Variants in OTOG observed in about 807,000 individuals in gnomAD.
The protein encoded by OTOG is otogelin.
A neutral mutation model predicts 313.8 loss-of-function variants in OTOG; 296 were observed. That is an observed-to-expected ratio of 0.94 (90% CI 0.86 to 1.04). The LOEUF is 1.04. Ranked by LOEUF, OTOG falls within the 50% of genes least tolerant of loss-of-function variation. The pLI is 0.00. For synonymous variants in OTOG, 1,533 were observed against 1,554.9 expected (o/e 0.99, Z 0.33); for missense variants, 3,948 against 3,840.1 (o/e 1.03, Z -0.74).
Position 17,609,634 on chromosome 11 carries a change from C to T in OTOG, c.4355-21C>T, listed in dbSNP as rs1358381796. 13 of 1,468,176 alleles carry T rather than the reference C, an allele frequency of 8.9e-6. No individual in the cohort carries two copies. In the South Asian group the frequency reaches 1.7e-4, roughly 19 times the overall value. The allele number at this position is 1,468,176 out of a possible 1,614,324, so 90.9% of individuals were successfully genotyped here. A position where few individuals can be genotyped will look rare whatever the true frequency, so the allele number is the denominator to read the frequency against. On this transcript the variant is annotated intron_variant, in intron 35 of 55. Coordinates refer to ENST00000399397, the MANE Select transcript of OTOG (RefSeq NM_001292063.2). ...GGCAGCAGTCACCCCGCCTTCTGAA[C>T]CTCTTCTTTTGTCTCCGCAGGTGTG... is the stretch of plus-strand genomic sequence containing the variant.
chr11:17,636,236 A>G (rs1428811050), intron 47 of OTOG, among the ~76,000 whole-genome samples: 1 of 152,174 alleles, frequency 6.6e-6, no homozygotes, highest in Non-Finnish European at 1.5e-5. Flanking sequence ...GTAGACATGT[A>G]TAGTATGTGC....
chr11:17,557,456 C>A, intron 8 of OTOG, 133 bp downstream of exon 8: 1 of 827,726 alleles, frequency 1.2e-6, no homozygotes, highest in Non-Finnish European at 1.9e-6. Flanking sequence ...AATGGAAGGC[C>A]AAGGACCCCT....
At chr11:17,633,433 C>T (rs1854180658) in intron 42 of OTOG, among the ~76,000 whole-genome samples, 1 of 152,234 alleles carries the variant, frequency 6.6e-6, no homozygotes, top group African/African-American at 2.4e-5. Context: ...ACAGGCATGG[C>T]TGTGTTCCAA....
rs1002724057 is a variant in OTOG, at chr11:17,578,190, C to T, written c.2606-183C>T. On this transcript the variant is annotated intron_variant, in intron 22 of 55. Transcript: ENST00000399397. ...GGCCGCAGTCTTATTGTGTGACAGA[C>T]AGCACACATCTACCCCTCCCTCTGT... The T allele has an allele frequency of 1.4e-5, 19 of 1,317,900 alleles. No homozygotes were observed. The African/African-American group carries it at 2.5e-4, about 18-fold the overall frequency. 81.6% of individuals were successfully genotyped at this position (1,317,900 alleles called of 1,614,324 possible).
At chr11:17,574,159 A>G (rs1852464649) in intron 19 of OTOG, among the ~76,000 whole-genome samples, 1 of 152,198 alleles carries the variant, frequency 6.6e-6, no homozygotes, top group South Asian at 2.1e-4. Context: ...TGGATCCCAC[A>G]GAGTGTAGGA....
rs1455245694 is a variant in OTOG at position 17,586,551 on chromosome 11, G to T, written c.2837G>T (p.Gly946Val). 7.0e-7 allele frequency: 1 copy of T among 1,428,126 alleles called. No individual in the cohort carries two copies. Among genetic ancestry groups the T allele is most frequent in the African/African-American group, 1.5e-5 (1 of 67,866 alleles). The allele number at this position is 1,428,126 out of a possible 1,614,324, so 88.5% of individuals were successfully genotyped here. The change falls in exon 24 of 56, where the codon GGG becomes GTG. Residue 946 changes from glycine to valine, a missense_variant. Coordinates refer to ENST00000399397, the MANE Select transcript of OTOG (RefSeq NM_001292063.2). Reference sequence around the variant, plus strand: ...TGGAAGGGGAAGGAGTATTTCCCTGGGGACCAGGTGATGTCTCCTTGCCAT... The same window carrying T: ...TGGAAGGGGAAGGAGTATTTCCCTGTGGACCAGGTGATGTCTCCTTGCCAT... ...CTWKGKEYFP[G>V]DQVMSPCHTC...
Position 17,547,462 on chromosome 11 carries a change from C to A in OTOG, c.90C>A (p.Arg30=). The A allele has an allele frequency of 7.3e-7, 1 of 1,368,518 alleles. No homozygotes were observed. Among genetic ancestry groups the A allele is most frequent in the Non-Finnish European group, 9.4e-7 (1 of 1,065,836 alleles). The allele number at this position is 1,368,518 out of a possible 1,614,324, so 84.8% of individuals were successfully genotyped here. A position where few individuals can be genotyped will look rare whatever the true frequency, so the allele number is the denominator to read the frequency against. ...CAGCCGAGTCCCTGCGGGTGCAGCG[C>A]CTCGGTGAGAGGGTTGTGGACTCAG... The part of the protein sequence containing the change: ...EQAAESLRVQ[R]LAAAPVLWGS... The change falls in exon 1 of 56, where the codon CGC becomes CGA. Residue 30 remains arginine (R), a synonymous_variant. Coordinates refer to ENST00000399397, the MANE Select transcript of OTOG (RefSeq NM_001292063.2).
chr11:17,554,137 T>C (rs1439108193), intron 6 of OTOG, among the ~76,000 whole-genome samples: 1 of 152,066 alleles, frequency 6.6e-6, no homozygotes, highest in East Asian at 1.9e-4. Context: ...CTCAGAGAAA[T>C]GATGGAGGTC....
chr11:17,640,425 A>G (rs532683139), intron 49 of OTOG, among the ~76,000 whole-genome samples: 1 of 152,328 alleles, frequency 6.6e-6, no homozygotes, highest in South Asian at 2.1e-4. Flanking sequence ...TCCCCACCCC[A>G]GCACACATTT....
intron 23 of OTOG, among the ~76,000 whole-genome samples, chr11:17,584,295 T>C (rs1852741309): frequency 6.6e-6 from 1 of 152,198 alleles, no homozygotes; most frequent in Admixed American, 6.5e-5. Flanking sequence ...ATCTCCCATG[T>C]TTCTTGCCTT....
chr11:17,640,096 GATGACAA>G (rs1565130675), intron 49 of OTOG, among the ~76,000 whole-genome samples: 1 of 152,168 alleles, frequency 6.6e-6, no homozygotes, highest in Non-Finnish European at 1.5e-5. Context: ...TGATGATGTT[GATGACAA>G]TCATGACGGT....
chr11:17,551,399 C>G (rs1159108262), intron 3 of OTOG, among the ~76,000 whole-genome samples: 1 of 152,168 alleles, frequency 6.6e-6, no homozygotes, highest in East Asian at 1.9e-4. Context: ...TTCTAAGCCA[C>G]ACACTTGGCC....
Position 17,555,816 on chromosome 11 carries a change from C to T in OTOG, c.578C>T (p.Thr193Ile). ...CCGCAGTGTGGCTCTTCACCCTACA[C>T]CTGCTCCAGGGCTGTCAGCCTCTTC... ...NDPQCGSSPYTCSRAVSLFFV... is the reference protein window; with the variant it reads ...NDPQCGSSPYICSRAVSLFFV... The change falls in exon 7 of 56, where the codon ACC becomes ATC. Residue 193 changes from threonine (T) to isoleucine (I), a missense_variant. Physicochemically the swap from Thr to Ile is moderately conservative, Grantham distance 89. Coordinates refer to ENST00000399397, the MANE Select transcript of OTOG (RefSeq NM_001292063.2). 1 of 1,550,800 alleles carries T rather than the reference C, an allele frequency of 6.4e-7. No individual in the cohort carries two copies. The highest frequency in any genetic ancestry group is 8.7e-7 in the Non-Finnish European group (1 of 1,147,054).
At chr11:17,638,626 C>G in intron 48 of OTOG, 77 bp downstream of exon 48, 1 of 1,498,822 alleles carries the variant, frequency 6.7e-7, no homozygotes, top group Non-Finnish European at 9.1e-7. Flanking sequence ...GGAGCCCGGC[C>G]TACCACCGTC....
At chr11:17,640,418 C>T (rs1847944710) in intron 49 of OTOG, among the ~76,000 whole-genome samples, 1 of 152,208 alleles carries the variant, frequency 6.6e-6, no homozygotes, top group South Asian at 2.1e-4. Flanking sequence ...GTAACCCTCC[C>T]CACCCCAGCA....
At chr11:17,604,795 T>C (rs1853341620) in intron 32 of OTOG, among the ~76,000 whole-genome samples, 1 of 152,246 alleles carries the variant, frequency 6.6e-6, no homozygotes, top group Admixed American at 6.5e-5. Flanking sequence ...AGGGTTCTCG[T>C]AGGAATTTCA....
intron 38 of OTOG, among the ~76,000 whole-genome samples, chr11:17,613,233 TTCTTTCTTTCTTTC>T (rs1565118925): frequency 5.2e-4 from 68 of 132,020 alleles, no homozygotes; most frequent in Admixed American, 1.9e-3. Flanking sequence ...CTTTCTTTCT[TTCTTTCTTTCTTTC>T]TTTCTTTCTT....
Position 17,599,715 on chromosome 11 carries a change from A to C in OTOG, c.3709+18A>C. ...TAACAAAGGTAAGCCCCTCCTCCCCACGCAGAGTCTCAGGGGCTCAGGCAC... is the reference window on the plus strand; with the variant it reads ...TAACAAAGGTAAGCCCCTCCTCCCCCCGCAGAGTCTCAGGGGCTCAGGCAC... On this transcript the variant is annotated intron_variant, in intron 31 of 55. Coordinates refer to ENST00000399397, the MANE Select transcript of OTOG (RefSeq NM_001292063.2). 6.5e-7 allele frequency: 1 copy of C among 1,550,076 alleles called. No individual in the cohort carries two copies. The highest frequency in any genetic ancestry group is 8.7e-7 in the Non-Finnish European group (1 of 1,146,568).
In OTOG at chr11:17,561,767, G is replaced by A; in HGVS notation, c.1604G>A (p.Gly535Asp). ...QYILAKSRSSGTFTVTLQNAP... is the reference protein window; with the variant it reads ...QYILAKSRSSDTFTVTLQNAP... ...ATCCTGGCCAAGAGCCGCTCTTCGG[G>A]CACCTTCACCGTGACATTGCAGAAT... Residue 535 changes from glycine (G) to aspartate (D), a missense_variant, in exon 15 of 56, where the codon GGC (glycine) becomes GAC (aspartate). Coordinates refer to ENST00000399397, the MANE Select transcript of OTOG (RefSeq NM_001292063.2). 2 of 1,550,474 alleles carry A rather than the reference G, an allele frequency of 1.3e-6. 1 individual carries two copies. Among genetic ancestry groups the A allele is most frequent in the Non-Finnish European group, 1.7e-6 (2 of 1,146,978 alleles).
Sources: allele counts gnomAD v4.1 joint callset (sites outside exome capture counted in the v4.1 genomes callset), GRCh38; gene constraint gnomAD v4.1.1; transcripts MANE v1.5; gene names NCBI Gene and HGNC (gene_info 2026-07-23, HGNC 2026-07-21).